The following UBE3A variants were observed in gnomAD, a reference collection of about 807,000 sequenced individuals.
UBE3A encodes the protein ubiquitin-protein ligase E3A.
In UBE3A, 6 loss-of-function variants were observed where a neutral mutation model predicts 83.4. That is an observed-to-expected ratio of 0.07 (90% CI 0.04 to 0.14). The LOEUF is 0.14. Ranked by LOEUF, UBE3A falls within the 10% of genes least tolerant of loss-of-function variation. The pLI is 1.00. For missense variants in UBE3A, 456 were observed against 1,036.1 expected, an observed-to-expected ratio of 0.44 and a Z score of 7.69; for synonymous variants, 337 against 355.4, an observed-to-expected ratio of 0.95 and a Z score of 0.58.
intron 5 of UBE3A, chr15:25,375,063 G>T: frequency 5.0e-6 from 1 of 200,472 alleles, no homozygotes; most frequent in Non-Finnish European, 1.0e-5. Context: ...TTCAAAAATG[G>T]AAAAAACCCA....
intron 6 of UBE3A, among the ~76,000 whole-genome samples, chr15:25,367,549 G>A (rs2079532823): frequency 6.6e-6 from 1 of 152,090 alleles, no homozygotes; most frequent in Admixed American, 6.5e-5. Context: ...AGGTATTTGT[G>A]AAGAGACAAC....
At chr15:25,394,763 C>A (rs1340126690) in intron 4 of UBE3A, among the ~76,000 whole-genome samples, 3 of 152,154 alleles carry the variant, frequency 2.0e-5, no homozygotes, top group Admixed American at 6.5e-5. Context: ...CTAAAAAATT[C>A]TTCCTACATT....
At chr15:25,376,712 T>A (rs1268291833) in intron 4 of UBE3A, among the ~76,000 whole-genome samples, 1 of 126,916 alleles carries the variant, frequency 7.9e-6, no homozygotes, top group Non-Finnish European at 1.6e-5. Flanking sequence ...ATCTTAAATC[T>A]AAAACTTGTC....
At chr15:25,399,075 C>A (rs987855758) in intron 4 of UBE3A, among the ~76,000 whole-genome samples, 1 of 151,778 alleles carries the variant, frequency 6.6e-6, no homozygotes, top group East Asian at 1.9e-4. Flanking sequence ...ATTGAGATGT[C>A]TGAGTTCCTT....
chr15:25,426,935 C>A (rs1891488752), intron 1 of UBE3A, among the ~76,000 whole-genome samples: 1 of 152,024 alleles, frequency 6.6e-6, no homozygotes, highest in Admixed American at 6.5e-5. Flanking sequence ...CCCCCCACCT[C>A]AGCCTCCCAA....
intron 11 of UBE3A, chr15:25,354,071 C>A: frequency 2.1e-6 from 1 of 469,392 alleles, no homozygotes; most frequent in South Asian, 2.7e-5. Flanking sequence ...ATCTTCTAAC[C>A]AGCAGTAAGC....
intron 11 of UBE3A, among the ~76,000 whole-genome samples, chr15:25,341,557 G>A (rs2074800698): frequency 6.6e-6 from 1 of 150,920 alleles, no homozygotes; most frequent in South Asian, 2.1e-4. Flanking sequence ...TGAGGTCAGG[G>A]GTTCAAGATC....
chr15:25,422,394 G>T (rs576936330), intron 1 of UBE3A, among the ~76,000 whole-genome samples: 1 of 152,012 alleles, frequency 6.6e-6, no homozygotes, highest in Non-Finnish European at 1.5e-5. Context: ...GTTAAAATGG[G>T]TGCATTTCAT....
chr15:25,376,967 T>C lies in UBE3A; in HGVS notation c.63-1204A>G, dbSNP rs187604003. On this transcript the variant is annotated intron_variant, in intron 4 of 12. Transcript: ENST00000648336. Reference sequence around the variant, plus strand: ...ACTGATAAAATTACCATAATTTCAGTAGAATAAACTACTGGATCCAAAGAA... The same window carrying C: ...ACTGATAAAATTACCATAATTTCAGCAGAATAAACTACTGGATCCAAAGAA... 5.7e-3 allele frequency among the ~76,000 whole-genome samples: 864 copies of C among 152,292 alleles called. 6 individuals carry two copies. The highest frequency in any genetic ancestry group is 0.024 in the Middle Eastern group (7 of 294).
intron 4 of UBE3A, among the ~76,000 whole-genome samples, chr15:25,390,061 T>C (rs558038577): frequency 2.6e-4 from 39 of 152,230 alleles, no homozygotes; most frequent in Non-Finnish European, 5.1e-4. Context: ...ACACATCATA[T>C]GGCATCAGAG....
intron 11 of UBE3A, chr15:25,347,333 T>C (rs996844660): frequency 1.4e-4 from 21 of 152,286 alleles, no homozygotes; most frequent in African/African-American, 3.8e-4. Flanking sequence ...TGTAATGGTA[T>C]TGATGGCAGT....
chr15:25,412,478 T>C (rs984088848), intron 1 of UBE3A, among the ~76,000 whole-genome samples: 1 of 152,172 alleles, frequency 6.6e-6, no homozygotes, highest in African/African-American at 2.4e-5. Context: ...AAAGTTATAG[T>C]ATAATGCCTA....
chr15:25,354,314 G>C (rs746027742), intron 11 of UBE3A, 39 bp downstream of exon 11: 154 of 1,592,388 alleles, frequency 9.7e-5, no homozygotes, highest in Non-Finnish European at 1.2e-4. Flanking sequence ...ACACCCCTTT[G>C]GTGAATCAAA....
At chr15:25,391,039 A>AC (rs1596034372) in intron 4 of UBE3A, among the ~76,000 whole-genome samples, 1 of 152,196 alleles carries the variant, frequency 6.6e-6, no homozygotes, top group Non-Finnish European at 1.5e-5. Context: ...TCTCAAAAAA[A>AC]TATTTGTATA....
At chr15:25,394,109 T>G (rs2085008592) in intron 4 of UBE3A, among the ~76,000 whole-genome samples, 1 of 152,222 alleles carries the variant, frequency 6.6e-6, no homozygotes, top group Admixed American at 6.5e-5. Flanking sequence ...TAATTAGGTA[T>G]TCTTCCTCTG....
At chr15:25,413,125 A>C (rs2090291131) in intron 1 of UBE3A, 3 of 401,046 alleles carry the variant, frequency 7.5e-6, no homozygotes, top group Non-Finnish European at 1.5e-5. Context: ...AAAAACTGTA[A>C]GCACTACAAA....
At chr15:25,411,594 A>C (rs1024983579) in intron 2 of UBE3A, among the ~76,000 whole-genome samples, 1 of 151,884 alleles carries the variant, frequency 6.6e-6, no homozygotes, top group African/African-American at 2.4e-5. Flanking sequence ...TGTCTCAAAA[A>C]CAACAGCAGC....
At chr15:25,361,046 C>T (rs954100943) in intron 6 of UBE3A, among the ~76,000 whole-genome samples, 5 of 151,968 alleles carry the variant, frequency 3.3e-5, no homozygotes, top group African/African-American at 9.7e-5. Context: ...TAAATTACCA[C>T]CTTTTAATGG....
intron 4 of UBE3A, among the ~76,000 whole-genome samples, chr15:25,378,427 T>G (rs533404584): frequency 1.3e-5 from 2 of 152,258 alleles, no homozygotes; most frequent in East Asian, 1.9e-4. Context: ...TTAAAGTTAT[T>G]TTATGTAATA....
Sources: allele counts gnomAD v4.1 joint callset (sites outside exome capture counted in the v4.1 genomes callset), GRCh38; gene constraint gnomAD v4.1.1; transcripts MANE v1.5; gene names NCBI Gene and HGNC (gene_info 2026-07-23, HGNC 2026-07-21).